MRLN: variants seen among roughly 807,000 people sequenced by gnomAD.
MRLN encodes myoregulin.
chr10:59,743,240 C>T (rs1382646438), intron 1 of MRLN, among the ~76,000 whole-genome samples: 2 of 127,500 alleles, frequency 1.6e-5, no homozygotes, highest in African/African-American at 5.8e-5. Flanking sequence ...GTTTCCATTT[C>T]TCACATTCAT....
rs957574275 is a variant in MRLN at position 59,750,504 on chromosome 10, C to A, written c.-125+2850G>T. Among the ~76,000 whole-genome samples the A allele has an allele frequency of 3.3e-5, 5 of 152,354 alleles. No individual in the cohort carries two copies. In the East Asian group the frequency reaches 9.6e-4, roughly 29 times the overall value. On this transcript the variant is annotated intron_variant, in intron 1 of 2. Transcript: ENST00000414264. The stretch of plus-strand genomic sequence containing the variant: ...TTTTTCTACATATGAACAAACATGA[C>A]TTCTTAATCCTCCACTATCAGGACT...
intron 2 of MRLN, among the ~76,000 whole-genome samples, chr10:59,737,671 A>G (rs965300130): frequency 6.7e-6 from 1 of 149,864 alleles, no homozygotes; most frequent in South Asian, 2.1e-4. Context: ...AAAAAAAGGT[A>G]TTTTTCTTTC....
chr10:59,737,031 G>C lies in MRLN; in HGVS notation c.*29C>G, dbSNP rs531853712. The stretch of plus-strand genomic sequence containing the variant: ...ATTTTTATTCACTGTAATTCAGTTT[G>C]AAATGTACATGGAAAGGAAGTCAGC... On this transcript the variant is annotated 3_prime_UTR_variant, in exon 3 of 3. Transcript: ENST00000414264. 2.5e-6 allele frequency: 1 copy of C among 392,782 alleles called. No homozygotes were observed. The highest frequency in any genetic ancestry group is 4.5e-6 in the Non-Finnish European group (1 of 222,134). 24.3% of individuals were successfully genotyped at this position (392,782 alleles called of 1,614,324 possible). A position where few individuals can be genotyped will look rare whatever the true frequency, so the allele number is the denominator to read the frequency against.
At chr10:59,751,449 C>T (rs1189088414) in intron 1 of MRLN, among the ~76,000 whole-genome samples, 2 of 151,654 alleles carry the variant, frequency 1.3e-5, no homozygotes, top group African/African-American at 4.8e-5. Context: ...TCACTTGAGC[C>T]CAGGAGTTTG....
Position 59,743,261 on chromosome 10 carries a change from G to A in MRLN, c.-124-4699C>T, listed in dbSNP as rs143760122. Among the ~76,000 whole-genome samples, 610 of 119,618 alleles carry A rather than the reference G, an allele frequency of 5.1e-3. 7 individuals carry two copies. The highest frequency in any genetic ancestry group is 0.018 in the African/African-American group (555 of 31,094). 78.5% of individuals were successfully genotyped at this position (119,618 alleles called of 152,430 possible). A position where few individuals can be genotyped will look rare whatever the true frequency, so the allele number is the denominator to read the frequency against. On this transcript the variant is annotated intron_variant, in intron 1 of 2. Coordinates refer to ENST00000414264, the MANE Select transcript of MRLN (RefSeq NM_001304731.2). ...ATTTCTCACATTCATTCATTTAAAA[G>A]GATATTGCCTATATAACTTCAGAAC...
intron 1 of MRLN, among the ~76,000 whole-genome samples, chr10:59,753,020 G>C (rs2070180712): frequency 6.6e-6 from 1 of 152,180 alleles, no homozygotes; most frequent in African/African-American, 2.4e-5. Context: ...AATACAAGGA[G>C]ACAGGTCAAG....
rs187050913 is a variant in MRLN, at chr10:59,750,982, G to A, written c.-125+2372C>T. 1.2e-3 allele frequency among the ~76,000 whole-genome samples: 190 copies of A among 152,348 alleles called. 1 individual carries two copies. Among genetic ancestry groups the A allele is most frequent in the Non-Finnish European group, 2.0e-3 (135 of 68,034 alleles). On this transcript the variant is annotated intron_variant, in intron 1 of 2. Transcript: ENST00000414264. Reference sequence around the variant, plus strand: ...CCATTTGGAGTTGGTGAATGGAGGGGAGTGGGGAAATCTCTGGACTTTTTT... The same window carrying A: ...CCATTTGGAGTTGGTGAATGGAGGGAAGTGGGGAAATCTCTGGACTTTTTT...
chr10:59,746,336 T>C (rs1841043987), intron 1 of MRLN, among the ~76,000 whole-genome samples: 1 of 152,124 alleles, frequency 6.6e-6, no homozygotes, highest in Non-Finnish European at 1.5e-5. Flanking sequence ...ATAACCACCA[T>C]TTATTGAGGG....
In MRLN at chr10:59,742,651, C is replaced by T. The variant is rs560776122; in HGVS notation, c.-124-4089G>A. Among the ~76,000 whole-genome samples, 4 of 151,124 alleles carry T rather than the reference C, an allele frequency of 2.6e-5. No individual in the cohort carries two copies. The East Asian group carries it at 7.8e-4, about 29-fold the overall frequency. ...ATAGAAGCTTCATGTGATTTATTTC[C>T]TTCCTTCCTTCCTTCCCTTCCTTCC... On this transcript the variant is annotated intron_variant, in intron 1 of 2. Coordinates refer to ENST00000414264, the MANE Select transcript of MRLN (RefSeq NM_001304731.2).
intron 1 of MRLN, 57 bp downstream of exon 1, chr10:59,753,297 C>T (rs1430785963): frequency 2.0e-5 from 3 of 151,690 alleles, no homozygotes; most frequent in Non-Finnish European, 2.9e-5. Context: ...CCAAAATCAA[C>T]GTCTTAAAAT....
intron 1 of MRLN, among the ~76,000 whole-genome samples, chr10:59,749,952 C>T (rs534772821): frequency 1.3e-5 from 2 of 151,826 alleles, no homozygotes; most frequent in South Asian, 4.2e-4. Flanking sequence ...TCCTGAGGGT[C>T]CATCTGATCA....
Position 59,749,649 on chromosome 10 carries a change from G to A in MRLN, c.-125+3705C>T, listed in dbSNP as rs991643689. On this transcript the variant is annotated intron_variant, in intron 1 of 2. Transcript: ENST00000414264. ...GCAGAGGTTGCAGTGAACCGAGATC[G>A]TGCCACTAAACTCCAGCCTGGGTCT... Among the ~76,000 whole-genome samples, 10 of 151,766 alleles carry A rather than the reference G, an allele frequency of 6.6e-5. No homozygotes were observed. In the East Asian group the frequency reaches 9.6e-4, roughly 15 times the overall value.
chr10:59,741,232 T>C (rs1379480046), intron 1 of MRLN, among the ~76,000 whole-genome samples: 2 of 152,188 alleles, frequency 1.3e-5, no homozygotes, highest in Non-Finnish European at 2.9e-5. Context: ...TCAAATTCAC[T>C]CACCATTCAC....
At chr10:59,753,315 T>TA (rs1411696279) in intron 1 of MRLN, 39 bp downstream of exon 1, 1 of 144,982 alleles carries the variant, frequency 6.9e-6, no homozygotes, top group African/African-American at 2.6e-5. Flanking sequence ...AATGCTACAT[T>TA]AAAAAACAAA....
At chr10:59,749,669 G>C (rs576055106) in intron 1 of MRLN, among the ~76,000 whole-genome samples, 10 of 151,636 alleles carry the variant, frequency 6.6e-5, no homozygotes, top group African/African-American at 2.4e-4. Flanking sequence ...ACTCCAGCCT[G>C]GGTCTCAAAA....
intron 1 of MRLN, chr10:59,744,311 C>G (rs990293812): frequency 6.4e-6 from 1 of 155,698 alleles, no homozygotes; most frequent in Admixed American, 6.5e-5. Flanking sequence ...TCTGCCCGGC[C>G]GCGACCCCGT....
At chr10:59,738,962 G>T (rs187192979) in intron 1 of MRLN, 1 of 151,864 alleles carries the variant, frequency 6.6e-6, no homozygotes, top group East Asian at 1.9e-4. Flanking sequence ...TCTACTAAAA[G>T]TACAAAAAAA....
chr10:59,749,560 G>A lies in MRLN; in HGVS notation c.-125+3794C>T, dbSNP rs554596171. On this transcript the variant is annotated intron_variant, in intron 1 of 2. Coordinates refer to ENST00000414264, the MANE Select transcript of MRLN (RefSeq NM_001304731.2). ...AATGCAAAAATTAGCTGGGCGTGGT[G>A]GTTCGCACCTGTAGTCTCAGCTACT... 1.3e-4 allele frequency among the ~76,000 whole-genome samples: 20 copies of A among 152,260 alleles called. No homozygotes were observed. In the South Asian group the frequency reaches 3.9e-3, roughly 30 times the overall value.
intron 1 of MRLN, among the ~76,000 whole-genome samples, chr10:59,741,513 G>A (rs955164817): frequency 6.6e-6 from 1 of 152,132 alleles, no homozygotes; most frequent in Non-Finnish European, 1.5e-5. Context: ...CTCCTGCGTA[G>A]CTGGGACTAC....
Sources: gnomAD v4.1 joint callset for allele counts (sites outside exome capture counted in the v4.1 genomes callset) on GRCh38, gnomAD v4.1.1 for gene constraint, MANE v1.5 for transcripts, NCBI Gene and HGNC (gene_info 2026-07-23, HGNC 2026-07-21) for gene names.